The following APBB2 variants were observed in gnomAD, a reference collection of about 807,000 sequenced individuals.
The protein encoded by APBB2 is Fe65-like 1.
A neutral mutation model predicts 82.5 loss-of-function variants in APBB2; 38 were observed. The observed-to-expected ratio is 0.46, with a 90% CI of 0.36 to 0.60. The LOEUF (loss-of-function observed/expected upper bound fraction) is 0.60. Ranked by LOEUF, APBB2 falls within the 20% of genes least tolerant of loss-of-function variation. The probability of loss-of-function intolerance (pLI) is 0.00; values close to 1 mark genes in which losing one functional copy is unlikely to be tolerated. For missense variants in APBB2, 772 were observed against 972.3 expected, an observed-to-expected ratio of 0.79 and a Z score of 2.74; for synonymous variants, 341 against 368.2, an observed-to-expected ratio of 0.93 and a Z score of 0.85.
At chr4:40,828,599 G>C (rs938848421) in intron 13 of APBB2, among the ~76,000 whole-genome samples, 5 of 151,542 alleles carry the variant, frequency 3.3e-5, no homozygotes, top group Non-Finnish European at 5.9e-5. Context: ...TTTCTGTTTT[G>C]GTCATTGCCC....
intron 2 of APBB2, among the ~76,000 whole-genome samples, chr4:41,113,277 G>A (rs1258559985): frequency 1.3e-5 from 2 of 152,154 alleles, no homozygotes; most frequent in South Asian, 2.1e-4. Context: ...TTATTTTGGT[G>A]TTAGATAGGG....
chr4:40,906,908 G>T (rs1478333776), intron 10 of APBB2, among the ~76,000 whole-genome samples: 1 of 152,116 alleles, frequency 6.6e-6, no homozygotes, highest in African/African-American at 2.4e-5. Context: ...TTGAGAGTGT[G>T]TGTATATACA....
At chr4:41,211,123 C>T (rs189838815) in intron 1 of APBB2, among the ~76,000 whole-genome samples, 3 of 152,050 alleles carry the variant, frequency 2.0e-5, no homozygotes, top group East Asian at 1.9e-4. Flanking sequence ...GGCGTGGTGG[C>T]GGGCACCTGG....
chr4:41,150,856 T>A (rs1236800765), intron 1 of APBB2, among the ~76,000 whole-genome samples: 1 of 152,194 alleles, frequency 6.6e-6, no homozygotes, highest in African/African-American at 2.4e-5. Flanking sequence ...TTCTCCTGCC[T>A]CAGCCTCCCG....
At chr4:40,856,221 T>A (rs1761140635) in intron 12 of APBB2, among the ~76,000 whole-genome samples, 1 of 152,286 alleles carries the variant, frequency 6.6e-6, no homozygotes, top group Admixed American at 6.5e-5. Flanking sequence ...TTCCGCCTTC[T>A]CCCACCCAAG....
At chr4:41,027,401 A>ATG (rs1694501269) in intron 5 of APBB2, among the ~76,000 whole-genome samples, 1 of 119,484 alleles carries the variant, frequency 8.4e-6, no homozygotes, top group African/African-American at 3.0e-5. Context: ...ATATATATAT[A>ATG]TATAACATTT....
At chr4:40,938,388 C>T (rs1006919493) in intron 7 of APBB2, among the ~76,000 whole-genome samples, 6 of 152,200 alleles carry the variant, frequency 3.9e-5, no homozygotes, top group Non-Finnish European at 8.8e-5. Flanking sequence ...GAGCACCACA[C>T]GGAAGCTGTG....
chr4:40,932,458 G>A (rs1484214053), intron 10 of APBB2, among the ~76,000 whole-genome samples: 1 of 152,218 alleles, frequency 6.6e-6, no homozygotes, highest in Non-Finnish European at 1.5e-5. Flanking sequence ...GATACTTACA[G>A]AACCAACTGG....
intron 1 of APBB2, among the ~76,000 whole-genome samples, chr4:41,201,989 G>GCTC (rs908517341): frequency 2.0e-5 from 3 of 152,162 alleles, no homozygotes; most frequent in Non-Finnish European, 4.4e-5. Flanking sequence ...TGACTTCCCC[G>GCTC]CTCCTCGGAG....
At chr4:40,837,250 C>T (rs1021997828) in intron 12 of APBB2, among the ~76,000 whole-genome samples, 1 of 152,218 alleles carries the variant, frequency 6.6e-6, no homozygotes, top group African/African-American at 2.4e-5. Flanking sequence ...GGGCCCGTAG[C>T]CAGCTCTGTT....
chr4:41,003,314 A>G (rs1805746369), intron 6 of APBB2, among the ~76,000 whole-genome samples: 1 of 152,168 alleles, frequency 6.6e-6, no homozygotes, highest in Non-Finnish European at 1.5e-5. Flanking sequence ...TGCAACTATG[A>G]GCTTTCCTTC....
At chr4:41,134,744 TG>T (rs1353513704) in intron 2 of APBB2, among the ~76,000 whole-genome samples, 1 of 152,164 alleles carries the variant, frequency 6.6e-6, no homozygotes, top group Non-Finnish European at 1.5e-5. Context: ...CATAAGATAC[TG>T]AGAAAGTGCT....
intron 12 of APBB2, among the ~76,000 whole-genome samples, chr4:40,838,662 T>A (rs773379800): frequency 6.6e-6 from 1 of 151,556 alleles, no homozygotes; most frequent in Non-Finnish European, 1.5e-5. Context: ...GGAGATGGAG[T>A]TTCACCACAT....
At chr4:41,009,805 G>A (rs1470276596) in intron 6 of APBB2, among the ~76,000 whole-genome samples, 2 of 151,692 alleles carry the variant, frequency 1.3e-5, no homozygotes, top group Admixed American at 1.3e-4. Flanking sequence ...TCAACTGTTG[G>A]TATTTGTGTT....
At chr4:40,867,948 C>T (rs1764447603) in intron 12 of APBB2, among the ~76,000 whole-genome samples, 1 of 151,456 alleles carries the variant, frequency 6.6e-6, no homozygotes, top group South Asian at 2.1e-4. Context: ...AATTGCTAGC[C>T]CTCCTCCTAG....
At chr4:41,028,659 A>T (rs181109764) in intron 5 of APBB2, among the ~76,000 whole-genome samples, 1 of 152,342 alleles carries the variant, frequency 6.6e-6, no homozygotes, top group Admixed American at 6.5e-5. Context: ...ATTTTGCCTA[A>T]GCCACTTGGA....
At chr4:40,877,704 TG>T (rs1279975931) in intron 12 of APBB2, among the ~76,000 whole-genome samples, 1 of 152,210 alleles carries the variant, frequency 6.6e-6, no homozygotes, top group African/African-American at 2.4e-5. Context: ...CATTTGATTC[TG>T]TGAGTTGAAG....
At chr4:40,857,182 G>A (rs1761526370) in intron 12 of APBB2, 3 of 981,162 alleles carry the variant, frequency 3.1e-6, no homozygotes, top group Admixed American at 6.2e-5. Flanking sequence ...GCGCCTCCCT[G>A]CGCCCTCCCT....
intron 2 of APBB2, among the ~76,000 whole-genome samples, chr4:41,112,315 G>A (rs916224800): frequency 5.3e-5 from 8 of 152,152 alleles, no homozygotes; most frequent in Non-Finnish European, 8.8e-5. Flanking sequence ...CCAGCTGGTG[G>A]GCATTTCACT....
Sources: allele counts gnomAD v4.1 joint callset (sites outside exome capture counted in the v4.1 genomes callset), GRCh38; gene constraint gnomAD v4.1.1; transcripts MANE v1.5; gene names NCBI Gene and HGNC (gene_info 2026-07-23, HGNC 2026-07-21).